The following ROBO2 variants were observed in gnomAD, a reference collection of about 807,000 sequenced individuals.
The protein encoded by ROBO2 is roundabout homolog 2.
ROBO2 carries 53 observed loss-of-function variants against 160.8 expected under a neutral mutation model. That is an observed-to-expected ratio of 0.33 (90% CI 0.26 to 0.41). The LOEUF is 0.41. Among genes scored for constraint, ROBO2 ranks in the 10% least tolerant of loss-of-function variants. ROBO2 has a pLI of 1.00. For missense variants in ROBO2, 1,577 were observed against 1,722.4 expected, an observed-to-expected ratio of 0.92 and a Z score of 1.49; for synonymous variants, 664 against 611.7, an observed-to-expected ratio of 1.09 and a Z score of -1.26.
intron 2 of ROBO2, among the ~76,000 whole-genome samples, chr3:77,142,437 T>C (rs1039939474): frequency 1.2e-4 from 18 of 152,190 alleles, no homozygotes; most frequent in African/African-American, 4.3e-4. Context: ...CAAAGATTTG[T>C]TTTCCTCCAA....
At chr3:76,259,605 A>G (rs1467026565) in intron 2 of ROBO2, among the ~76,000 whole-genome samples, 1 of 152,192 alleles carries the variant, frequency 6.6e-6, no homozygotes, top group East Asian at 1.9e-4. Context: ...CCTGAACAGA[A>G]GAAGTACATT....
At chr3:77,019,259 T>C (rs906564856) in intron 2 of ROBO2, among the ~76,000 whole-genome samples, 1 of 152,038 alleles carries the variant, frequency 6.6e-6, no homozygotes, top group African/African-American at 2.4e-5. Context: ...TGAGTGCCAT[T>C]TTTTGGTTCA....
At chr3:76,631,733 A>T (rs544223291) in intron 2 of ROBO2, among the ~76,000 whole-genome samples, 2 of 152,238 alleles carry the variant, frequency 1.3e-5, no homozygotes, top group African/African-American at 4.8e-5. Context: ...GCATTGGAAA[A>T]ACCACAATTA....
At chr3:77,337,113 T>G (rs2153448146) in intron 2 of ROBO2, among the ~76,000 whole-genome samples, 1 of 152,316 alleles carries the variant, frequency 6.6e-6, no homozygotes. Flanking sequence ...AGGAAGAAAT[T>G]AATTGTTCAC....
At chr3:76,632,720 C>T (rs912040895) in intron 2 of ROBO2, among the ~76,000 whole-genome samples, 7 of 152,042 alleles carry the variant, frequency 4.6e-5, no homozygotes, top group East Asian at 1.9e-4. Context: ...TCTCATTTAA[C>T]GAATTTCAAA....
chr3:76,509,297 C>A (rs1056947167), intron 2 of ROBO2, among the ~76,000 whole-genome samples: 1 of 152,072 alleles, frequency 6.6e-6, no homozygotes, highest in Admixed American at 6.6e-5. Context: ...TCTGTTTGAA[C>A]GTTTTGGTGA....
At position 77,149,915 on chromosome 3, in the gene ROBO2, C is replaced by T. The variant is rs1579410801; in HGVS notation, c.388+51575C>T. ...TACTGTATTTAGTGTACTGTTTAGGCGGGATTACAAATAACTTGTGAAATA... is the reference window on the plus strand; with the variant it reads ...TACTGTATTTAGTGTACTGTTTAGGTGGGATTACAAATAACTTGTGAAATA... On this transcript the variant is annotated intron_variant, in intron 2 of 25. Coordinates refer to ENST00000461745, the Ensembl canonical transcript of ROBO2. Among the ~76,000 whole-genome samples, 4 of 150,778 alleles carry T rather than the reference C, an allele frequency of 2.7e-5. No individual in the cohort carries two copies. The South Asian group carries it at 6.3e-4, about 24-fold the overall frequency.
At chr3:77,506,238 A>T (rs550685310) in intron 5 of ROBO2, among the ~76,000 whole-genome samples, 1 of 152,320 alleles carries the variant, frequency 6.6e-6, no homozygotes. Context: ...GAACAAACTC[A>T]TACAGAGTCC....
At chr3:76,259,497 T>C (rs1012136594) in intron 2 of ROBO2, among the ~76,000 whole-genome samples, 3 of 152,162 alleles carry the variant, frequency 2.0e-5, no homozygotes, top group African/African-American at 4.8e-5. Flanking sequence ...TAGATTCTCA[T>C]GTGTCCATAC....
At chr3:77,400,099 T>G (rs949747076) in intron 2 of ROBO2, among the ~76,000 whole-genome samples, 9 of 152,188 alleles carry the variant, frequency 5.9e-5, no homozygotes, top group Non-Finnish European at 1.3e-4. Context: ...GCATTGACAT[T>G]GATTAAATTC....
At chr3:76,081,610 AC>A (rs1198963840) in intron 2 of ROBO2, among the ~76,000 whole-genome samples, 1 of 152,164 alleles carries the variant, frequency 6.6e-6, no homozygotes. Context: ...GTTTCACTTC[AC>A]TCAGCTCCTA....
At chr3:76,401,967 G>A (rs565598041) in intron 2 of ROBO2, among the ~76,000 whole-genome samples, 102 of 151,502 alleles carry the variant, frequency 6.7e-4, no homozygotes, top group Non-Finnish European at 1.2e-3. Flanking sequence ...CATTTGATCA[G>A]TACGAGAGGA....
rs745716549 is a variant in ROBO2, at chr3:77,161,540, T to G, written c.388+63200T>G. Among the ~76,000 whole-genome samples, 7 of 152,218 alleles carry G rather than the reference T, an allele frequency of 4.6e-5. No individual in the cohort carries two copies. The East Asian group carries it at 1.3e-3, about 29-fold the overall frequency. ...CACTTTTAAATACTTTTGCATAACC[T>G]GAAGAGAGTAAAGTAGTTGAACATT... On this transcript the variant is annotated intron_variant, in intron 2 of 25. Transcript: ENST00000461745.
chr3:76,785,522 T>C (rs1356538008), intron 2 of ROBO2, among the ~76,000 whole-genome samples: 1 of 151,310 alleles, frequency 6.6e-6, no homozygotes, highest in Non-Finnish European at 1.5e-5. Context: ...GGTGATTTTG[T>C]TGTAGTGCTA....
intron 2 of ROBO2, among the ~76,000 whole-genome samples, chr3:77,235,192 A>C (rs1407295321): frequency 6.6e-6 from 1 of 152,186 alleles, no homozygotes; most frequent in Non-Finnish European, 1.5e-5. Flanking sequence ...ATTAAAATAC[A>C]TATTTGGGAG....
At chr3:77,098,780 C>T (rs1245439195) in intron 2 of ROBO2, among the ~76,000 whole-genome samples, 2 of 152,000 alleles carry the variant, frequency 1.3e-5, no homozygotes, top group African/African-American at 2.4e-5. Flanking sequence ...GGTGTGAACC[C>T]GGGAGGCGGA....
At chr3:77,366,285 T>C (rs1258313343) in intron 2 of ROBO2, among the ~76,000 whole-genome samples, 3 of 152,122 alleles carry the variant, frequency 2.0e-5, no homozygotes, top group African/African-American at 4.8e-5. Context: ...TCAAAATCCA[T>C]GTGTTGAAAC....
chr3:76,156,321 G>T (rs999650443), intron 2 of ROBO2, among the ~76,000 whole-genome samples: 5 of 152,098 alleles, frequency 3.3e-5, no homozygotes, highest in African/African-American at 1.2e-4. Context: ...CATTTCAAAG[G>T]TTATTTGTCT....
At chr3:77,632,779 A>G in intron 23 of ROBO2, 1 of 854,516 alleles carries the variant, frequency 1.2e-6, no homozygotes, top group South Asian at 2.4e-5. Flanking sequence ...ATACGCATGA[A>G]TACAGTTTGG....
Sources: allele counts gnomAD v4.1 joint callset (sites outside exome capture counted in the v4.1 genomes callset), GRCh38; gene constraint gnomAD v4.1.1; transcripts MANE v1.5; gene names NCBI Gene and HGNC (gene_info 2026-07-23, HGNC 2026-07-21).